NSD1: variants seen among roughly 807,000 people sequenced by gnomAD.
NSD1 encodes nuclear receptor binding SET domain protein 1.
Under a neutral mutation model 242.7 loss-of-function variants are expected in NSD1, and 26 were observed. The observed-to-expected ratio is 0.11, with a 90% CI of 0.08 to 0.15. NSD1 has a LOEUF of 0.15. Ranked by LOEUF, NSD1 falls within the 10% of genes least tolerant of loss-of-function variation. The pLI, the probability that NSD1 is intolerant of heterozygous loss-of-function variation, is 1.00. For synonymous variants in NSD1, 1,106 were observed against 1,178.1 expected, an observed-to-expected ratio of 0.94 and a Z score of 1.25; for missense variants, 2,495 against 3,272.8, an observed-to-expected ratio of 0.76 and a Z score of 5.80.
intron 5 of NSD1, among the ~76,000 whole-genome samples, chr5:177,231,959 G>A (rs1765092766): frequency 2.0e-5 from 3 of 152,050 alleles, no homozygotes; most frequent in Non-Finnish European, 2.9e-5. Flanking sequence ...GAGTGTGGTG[G>A]CACTGTCTTG....
At position 177,210,062 on chromosome 5, in the gene NSD1, G is replaced by A. The variant is rs564464928; in HGVS notation, c.1663G>A (p.Ala555Thr). 10 of 1,613,936 alleles carry A rather than the reference G, an allele frequency of 6.2e-6. No homozygotes were observed. The Admixed American group carries it at 1.3e-4, about 22-fold the overall frequency. The change falls in exon 5 of 23, where the codon GCA becomes ACA. Residue 555 changes from alanine to threonine, a missense_variant. Transcript: ENST00000439151. Reference protein sequence around the residue: ...TQASNELSRIANSLTGSNTAP... With the variant: ...TQASNELSRITNSLTGSNTAP... ...GGCCTCTAATGAACTTTCCAGGATA[G>A]CAAATAGCCTCACAGGGTCCAACAC...
At chr5:177,270,880 T>A (rs1306239012) in intron 16 of NSD1, among the ~76,000 whole-genome samples, 1 of 152,190 alleles carries the variant, frequency 6.6e-6, no homozygotes, top group Non-Finnish European at 1.5e-5. Flanking sequence ...AGATATGGGC[T>A]GTCTATCAGT....
Position 177,294,477 on chromosome 5 carries a change from C to G in NSD1, c.7109C>G (p.Pro2370Arg). The change falls in exon 23 of 23, where the codon CCA becomes CGA. Residue 2370 changes from proline to arginine, a missense_variant. Around this residue, in one of 19 missense-constraint regions of NSD1, gnomAD observed 475 missense variants for 563.7 expected, o/e 0.84. Coordinates refer to ENST00000439151, the MANE Select transcript of NSD1 (RefSeq NM_022455.5). ...GATAAATCCATAGGTGCTGCCAGCC[C>G]AAGGCCCCAGTCACTGGAGAAAACC... is the stretch of plus-strand genomic sequence containing the variant. ...RLDKSIGAAS[P>R]RPQSLEKTSV... 1 of 1,614,196 alleles carries G rather than the reference C, an allele frequency of 6.2e-7. No homozygotes were observed. The highest frequency in any genetic ancestry group is 1.1e-5 in the South Asian group (1 of 91,090).
At chr5:177,273,638 AT>A (rs1194542854) in intron 16 of NSD1, 33 bp from the exon 17 acceptor site, 1 of 1,486,650 alleles carries the variant, frequency 6.7e-7, no homozygotes, top group African/African-American at 1.4e-5. Flanking sequence ...CCACCCAGAG[AT>A]TTTGAAGTGA....
At chr5:177,271,484 C>G (rs1757939743) in intron 16 of NSD1, among the ~76,000 whole-genome samples, 2 of 152,152 alleles carry the variant, frequency 1.3e-5, no homozygotes, top group Admixed American at 1.3e-4. Flanking sequence ...CATATCAGTA[C>G]CAGTAAGTGA....
At chr5:177,293,785 A>G (rs1391226981) in intron 22 of NSD1, 47 bp from the exon 23 acceptor site, 5 of 1,602,068 alleles carry the variant, frequency 3.1e-6, no homozygotes, top group Admixed American at 1.7e-5. Flanking sequence ...CCCATGTGAT[A>G]TGTATCTCTT....
At chr5:177,208,088 G>A (rs1417783117) in intron 4 of NSD1, among the ~76,000 whole-genome samples, 2 of 152,102 alleles carry the variant, frequency 1.3e-5, no homozygotes, top group Admixed American at 6.6e-5. Flanking sequence ...TACTTGCTCT[G>A]CAGAACATCC....
At chr5:177,288,156 A>G (rs1046471791) in intron 20 of NSD1, among the ~76,000 whole-genome samples, 1 of 152,190 alleles carries the variant, frequency 6.6e-6, no homozygotes, top group Non-Finnish European at 1.5e-5. Flanking sequence ...TTTTGGTGAA[A>G]TGGACCTTTG....
At chr5:177,208,036 G>A (rs1469180149) in intron 4 of NSD1, among the ~76,000 whole-genome samples, 6 of 152,046 alleles carry the variant, frequency 3.9e-5, no homozygotes, top group Non-Finnish European at 5.9e-5. Context: ...AGTCCTGGGA[G>A]TACAGCCATG....
Position 177,251,115 on chromosome 5 carries a change from G to T in NSD1, c.4642-615G>T, listed in dbSNP as rs538026824. On this transcript the variant is annotated intron_variant, in intron 11 of 22. Transcript: ENST00000439151. ...TGAGGCAGGAGAATCACTTGAACCC[G>T]GGTGGCAGAGGTGGCAGTGAGCCAA... 2.6e-5 allele frequency among the ~76,000 whole-genome samples: 4 copies of T among 152,126 alleles called. No individual in the cohort carries two copies. In the East Asian group the frequency reaches 7.7e-4, roughly 29 times the overall value.
At chr5:177,217,749 C>A (rs569673869) in intron 5 of NSD1, among the ~76,000 whole-genome samples, 39 of 148,906 alleles carry the variant, frequency 2.6e-4, no homozygotes, top group Admixed American at 2.5e-3. Flanking sequence ...CTCACTGCAA[C>A]CTCCACCTCC....
upstream of NSD1, chr5:177,133,561 G>C (rs1203305733): frequency 6.6e-6 from 1 of 150,994 alleles, no homozygotes; most frequent in Non-Finnish European, 1.5e-5. This position sits in a 1 kb window ranked among gnomAD's most constrained non-coding sequence, Gnocchi z 6.2. Flanking sequence ...GGAGGGGAGG[G>C]GGCGGCAGCG....
rs967401042 is a variant in NSD1 at position 177,263,902 on chromosome 5, G to A, written c.5147-3660G>A. 2.6e-5 allele frequency among the ~76,000 whole-genome samples: 4 copies of A among 151,906 alleles called. No homozygotes were observed. In the East Asian group the frequency reaches 7.7e-4, roughly 29 times the overall value. ...AAAATTAAAATTTTCGTAAACTATTGTCTGCTACCTTCAGTTTGACAATTT... is the reference window on the plus strand; with the variant it reads ...AAAATTAAAATTTTCGTAAACTATTATCTGCTACCTTCAGTTTGACAATTT... On this transcript the variant is annotated intron_variant, in intron 14 of 22. Coordinates refer to ENST00000439151, the MANE Select transcript of NSD1 (RefSeq NM_022455.5).
At chr5:177,272,037 T>C (rs1757983231) in intron 16 of NSD1, among the ~76,000 whole-genome samples, 1 of 151,800 alleles carries the variant, frequency 6.6e-6, no homozygotes, top group South Asian at 2.1e-4. Context: ...GGGAGGAAAA[T>C]CGCTGGAACC....
At chr5:177,265,073 C>T (rs1365036167) in intron 14 of NSD1, 3 of 754,662 alleles carry the variant, frequency 4.0e-6, no homozygotes, top group Admixed American at 1.7e-5. Flanking sequence ...GCCAAGATAG[C>T]TTCCTGAAAC....
chr5:177,140,326 G>T (rs1230788649), intron 2 of NSD1, among the ~76,000 whole-genome samples: 3 of 152,190 alleles, frequency 2.0e-5, no homozygotes, highest in African/African-American at 7.2e-5. Flanking sequence ...GAGGATACTT[G>T]TTGGAGATTG....
At chr5:177,143,581 A>G (rs571760824) in intron 2 of NSD1, among the ~76,000 whole-genome samples, 4 of 152,086 alleles carry the variant, frequency 2.6e-5, no homozygotes, top group South Asian at 2.1e-4. Flanking sequence ...CAGCCTCCCA[A>G]AGTGCTGGGA....
Position 177,297,655 on chromosome 5 carries a change from A to G in NSD1, c.*2196A>G, listed in dbSNP as rs1468322626. ...TCTTTGTTTCATGAAATAAACTGTG[A>G]ATTTGGGGGGGGCGGGGGGAGGGCG... On this transcript the variant is annotated 3_prime_UTR_variant, in exon 23 of 23. Transcript: ENST00000439151. 2 of 76,864 alleles carry G rather than the reference A, an allele frequency of 2.6e-5. No homozygotes were observed. The highest frequency in any genetic ancestry group is 5.4e-4 in the South Asian group (1 of 1,860). The allele number at this position is 76,864 out of a possible 1,614,324, so 4.8% of individuals were successfully genotyped here.
At chr5:177,155,731 G>C (rs1223987109) in intron 2 of NSD1, among the ~76,000 whole-genome samples, 1 of 151,864 alleles carries the variant, frequency 6.6e-6, no homozygotes, top group Non-Finnish European at 1.5e-5. Context: ...CTGTCGCCCA[G>C]GCTAGAGTGC....
Sources: allele counts gnomAD v4.1 joint callset (sites outside exome capture counted in the v4.1 genomes callset), GRCh38; gene constraint gnomAD v4.1.1; regional missense constraint gnomAD v4.1.1; non-coding constraint Gnocchi (gnomAD v3.1); transcripts MANE v1.5; gene names NCBI Gene and HGNC (gene_info 2026-07-23, HGNC 2026-07-21).